The following MRPL1 variants were observed in gnomAD, a reference collection of about 807,000 sequenced individuals.
The protein encoded by MRPL1 is mitochondrial ribosomal protein L1, also known as large ribosomal subunit protein uL1m.
Under a neutral mutation model 38.0 loss-of-function variants are expected in MRPL1, and 28 were observed. The ratio of observed to expected loss-of-function variants is 0.74; its 90% CI spans 0.55 to 1.01. MRPL1 has a LOEUF of 1.01. MRPL1 is among the 50% of genes least tolerant of loss of function. MRPL1 has a pLI of 0.00. For missense variants in MRPL1, 358 were observed against 389.8 expected (o/e 0.92, Z 0.69); for synonymous variants, 123 against 126.7 (o/e 0.97, Z 0.20).
chr4:77,876,448 A>C (rs925183126), intron 2 of MRPL1, among the ~76,000 whole-genome samples: 4 of 152,192 alleles, frequency 2.6e-5, no homozygotes, highest in African/African-American at 4.8e-5. Context: ...TGTCTACCCC[A>C]AGTTCTATTC....
intron 8 of MRPL1, among the ~76,000 whole-genome samples, chr4:77,950,337 A>C (rs1045855090): frequency 1.3e-5 from 2 of 152,218 alleles, no homozygotes; most frequent in Non-Finnish European, 2.9e-5. Context: ...AGTCATTTAT[A>C]AATGAGGTGA....
At chr4:77,915,940 A>G (rs921686995) in intron 7 of MRPL1, among the ~76,000 whole-genome samples, 1 of 152,192 alleles carries the variant, frequency 6.6e-6, no homozygotes, top group African/African-American at 2.4e-5. Context: ...CATGAAGCAT[A>G]ATTGGTTGGG....
chr4:77,892,618 A>G (rs1189981908), intron 5 of MRPL1, among the ~76,000 whole-genome samples: 1 of 152,198 alleles, frequency 6.6e-6, no homozygotes, highest in Non-Finnish European at 1.5e-5. Flanking sequence ...CATAACTTCC[A>G]AACATAATTT....
At chr4:77,907,779 G>A (rs886194834) in intron 6 of MRPL1, among the ~76,000 whole-genome samples, 1 of 152,116 alleles carries the variant, frequency 6.6e-6, no homozygotes, top group African/African-American at 2.4e-5. Context: ...GGCCAGGCTG[G>A]TCTCGAACTC....
At chr4:77,917,813 T>C (rs1736455302) in intron 7 of MRPL1, among the ~76,000 whole-genome samples, 1 of 152,156 alleles carries the variant, frequency 6.6e-6, no homozygotes, top group Non-Finnish European at 1.5e-5. Flanking sequence ...CCCAGCACTT[T>C]CGGAAGCTGA....
At chr4:77,865,427 C>T (rs888083302) in intron 1 of MRPL1, among the ~76,000 whole-genome samples, 7 of 144,622 alleles carry the variant, frequency 4.8e-5, no homozygotes, top group African/African-American at 1.5e-4. Flanking sequence ...ATCCTTGACT[C>T]TTTTTTTTTT....
At chr4:77,894,103 C>T in intron 5 of MRPL1, 36 bp from the exon 6 acceptor site, 3 of 1,177,896 alleles carry the variant, frequency 2.5e-6, no homozygotes, top group Non-Finnish European at 3.7e-6. Flanking sequence ...AGCTTTTCAT[C>T]TCATCTGAGG....
At position 77,925,224 on chromosome 4, in the gene MRPL1, A is replaced by G. The variant is rs991530309; in HGVS notation, c.777+15852A>G. Among the ~76,000 whole-genome samples the G allele has an allele frequency of 6.8e-4, 104 of 152,196 alleles. 1 individual carries two copies. The highest frequency in any genetic ancestry group is 3.4e-4 in the Non-Finnish European group (23 of 68,036). On this transcript the variant is annotated intron_variant, in intron 7 of 8. Transcript: ENST00000315567. Reference sequence around the variant, plus strand: ...AGGCTAGGGATATTTTCATATATGTATGAAAAATAATGAAATATATATGTT... The same window carrying G: ...AGGCTAGGGATATTTTCATATATGTGTGAAAAATAATGAAATATATATGTT...
chr4:77,902,367 A>T (rs914045565), intron 6 of MRPL1, among the ~76,000 whole-genome samples: 6 of 149,408 alleles, frequency 4.0e-5, no homozygotes, highest in African/African-American at 1.5e-4. Flanking sequence ...CCAGGGCAAC[A>T]TAGTGAGACC....
intron 7 of MRPL1, among the ~76,000 whole-genome samples, chr4:77,933,535 C>T (rs1047331617): frequency 6.6e-6 from 1 of 151,996 alleles, no homozygotes; most frequent in African/African-American, 2.4e-5. Context: ...ATGGAGATGA[C>T]AGAAGAGAGT....
Position 77,912,947 on chromosome 4 carries a change from G to C in MRPL1, c.777+3575G>C, listed in dbSNP as rs560941000. On this transcript the variant is annotated intron_variant, in intron 7 of 8. Transcript: ENST00000315567. Reference sequence around the variant, plus strand: ...TACAATGGCATTTTTTCTGGAGAAAGGATAGTTCTTTCAACAAACAGTACT... The same window carrying C: ...TACAATGGCATTTTTTCTGGAGAAACGATAGTTCTTTCAACAAACAGTACT... Among the ~76,000 whole-genome samples, 195 of 152,138 alleles carry C rather than the reference G, an allele frequency of 1.3e-3. 2 individuals are homozygous for C. The highest frequency in any genetic ancestry group is 1.8e-3 in the Non-Finnish European group (123 of 67,954).
At chr4:77,938,585 G>T (rs1305019608) in intron 7 of MRPL1, among the ~76,000 whole-genome samples, 1 of 152,092 alleles carries the variant, frequency 6.6e-6, no homozygotes, top group Non-Finnish European at 1.5e-5. Context: ...GTGGTGGTTT[G>T]TTTTGTCTTA....
At chr4:77,939,363 T>C (rs948928871) in intron 7 of MRPL1, among the ~76,000 whole-genome samples, 6 of 152,204 alleles carry the variant, frequency 3.9e-5, no homozygotes, top group Non-Finnish European at 7.3e-5. Context: ...CCCATGTCCT[T>C]AGCCTTCTTT....
chr4:77,939,433 A>AG, intron 7 of MRPL1, among the ~76,000 whole-genome samples: 1 of 151,550 alleles, frequency 6.6e-6, no homozygotes, highest in African/African-American at 2.4e-5. Context: ...TAGATTCTGG[A>AG]TATTAGTCCT....
At chr4:77,866,807 GC>G (rs1017864280) in intron 1 of MRPL1, among the ~76,000 whole-genome samples, 5 of 151,276 alleles carry the variant, frequency 3.3e-5, no homozygotes, top group African/African-American at 1.2e-4. Flanking sequence ...GAGTGCAATG[GC>G]GCGATCTCGG....
At chr4:77,936,943 G>T (rs1348967072) in intron 7 of MRPL1, among the ~76,000 whole-genome samples, 1 of 152,124 alleles carries the variant, frequency 6.6e-6, no homozygotes, top group East Asian at 1.9e-4. Context: ...TGGGCAGCAA[G>T]ATGAGACCCC....
intron 7 of MRPL1, among the ~76,000 whole-genome samples, chr4:77,912,108 G>A (rs1373963773): frequency 6.6e-6 from 1 of 152,160 alleles, no homozygotes; most frequent in Non-Finnish European, 1.5e-5. Flanking sequence ...TGAAAAGAGT[G>A]TCTAAGAAAA....
chr4:77,874,001 CT>C lies in MRPL1; in HGVS notation c.143+2161del, dbSNP rs1184872676. ...TGTACCCTGTTTTGCATATTGCCTG[CT>C]TTTTTTTTTTTTTTGAGATGGATTC... On this transcript the variant is annotated intron_variant, in intron 2 of 8. Transcript: ENST00000315567. Among the ~76,000 whole-genome samples the C allele has an allele frequency of 6.6e-3, 919 of 139,588 alleles. 2 individuals carry two copies. The highest frequency in any genetic ancestry group is 8.8e-3 in the Non-Finnish European group (562 of 63,782). 91.6% of individuals were successfully genotyped at this position (139,588 alleles called of 152,430 possible). A position where few individuals can be genotyped will look rare whatever the true frequency, so the allele number is the denominator to read the frequency against.
chr4:77,922,358 G>A (rs10049674), intron 7 of MRPL1, among the ~76,000 whole-genome samples: 81,323 of 152,018 alleles, frequency 0.53, 22,106 homozygotes, highest in Admixed American at 0.58. Context: ...TAGCTAGCGT[G>A]GCTAGAGCAG....
Sources: gnomAD v4.1 joint callset for allele counts (sites outside exome capture counted in the v4.1 genomes callset) on GRCh38, gnomAD v4.1.1 for gene constraint, MANE v1.5 for transcripts, NCBI Gene and HGNC (gene_info 2026-07-23, HGNC 2026-07-21) for gene names.